Variants in MAP7 observed in about 807,000 individuals in gnomAD.
The protein encoded by MAP7 is ensconsin.
Under a neutral mutation model 94.8 loss-of-function variants are expected in MAP7, and 52 were observed. The ratio of observed to expected loss-of-function variants is 0.55; its 90% CI spans 0.44 to 0.69. The LOEUF (loss-of-function observed/expected upper bound fraction) is 0.69, where lower values mean the gene tolerates loss of function less well. Among genes scored for constraint, MAP7 ranks in the 30% least tolerant of loss-of-function variants. MAP7 has a pLI of 0.00. For synonymous variants in MAP7, 350 were observed against 357.0 expected (o/e 0.98, Z 0.22); for missense variants, 940 against 964.6 (o/e 0.97, Z 0.34).
At chr6:136,391,666 T>C (rs1232319888) in intron 3 of MAP7, among the ~76,000 whole-genome samples, 1 of 87,520 alleles carries the variant, frequency 1.1e-5, no homozygotes, top group Admixed American at 1.3e-4. Flanking sequence ...AAATAAAAAC[T>C]ATTATTCAAA....
At chr6:136,413,722 C>T (rs1211113155) in intron 2 of MAP7, among the ~76,000 whole-genome samples, 2 of 152,110 alleles carry the variant, frequency 1.3e-5, no homozygotes, top group Non-Finnish European at 2.9e-5. Flanking sequence ...AGTGAATCCT[C>T]CCACCTCAGT....
chr6:136,428,383 G>A (rs1215325471), intron 1 of MAP7, among the ~76,000 whole-genome samples: 1 of 152,080 alleles, frequency 6.6e-6, no homozygotes, highest in Non-Finnish European at 1.5e-5. Flanking sequence ...AGGCGTGGTG[G>A]TGCACGCCTG....
At chr6:136,544,968 G>T (rs1278057734) in intron 1 of MAP7, among the ~76,000 whole-genome samples, 1 of 152,108 alleles carries the variant, frequency 6.6e-6, no homozygotes, top group Non-Finnish European at 1.5e-5. Context: ...TCCTCCTCAT[G>T]AATATTTTCC....
chr6:136,514,767 A>C (rs1304430808), intron 1 of MAP7, among the ~76,000 whole-genome samples: 1 of 152,180 alleles, frequency 6.6e-6, no homozygotes, highest in Non-Finnish European at 1.5e-5. Flanking sequence ...ACGTGCTGTC[A>C]TCCAGGCTTT....
chr6:136,427,031 C>G (rs950688105), intron 1 of MAP7, among the ~76,000 whole-genome samples: 4 of 152,268 alleles, frequency 2.6e-5, no homozygotes, highest in Non-Finnish European at 5.9e-5. Context: ...TAGTCAGGTT[C>G]TTCCACTTAC....
intron 1 of MAP7, among the ~76,000 whole-genome samples, chr6:136,476,374 A>G (rs1414547411): frequency 6.6e-6 from 1 of 152,204 alleles, no homozygotes; most frequent in Non-Finnish European, 1.5e-5. Context: ...TGCAGTAGCC[A>G]CAGTTTAGAT....
At chr6:136,538,346 T>G (rs1419209642) in intron 1 of MAP7, among the ~76,000 whole-genome samples, 1 of 152,228 alleles carries the variant, frequency 6.6e-6, no homozygotes, top group African/African-American at 2.4e-5. Context: ...GCAAGTTGTA[T>G]GTTTCCTCTA....
intron 1 of MAP7, among the ~76,000 whole-genome samples, chr6:136,484,246 A>G (rs1370540172): frequency 2.6e-5 from 4 of 152,236 alleles, no homozygotes; most frequent in African/African-American, 4.8e-5. Context: ...GCAAAAAGAA[A>G]TATTTCTCAT....
chr6:136,384,171 A>G (rs1407429992), intron 5 of MAP7, among the ~76,000 whole-genome samples: 1 of 152,208 alleles, frequency 6.6e-6, no homozygotes, highest in East Asian at 1.9e-4. Context: ...TGCTGGTAAC[A>G]TAGAACGCAA....
At chr6:136,485,580 T>TTTTTTTTTA in intron 1 of MAP7, among the ~76,000 whole-genome samples, 1 of 146,010 alleles carries the variant, frequency 6.8e-6, no homozygotes, top group African/African-American at 2.6e-5. Flanking sequence ...TTTTTTTTTT[T>TTTTTTTTTA]GAGACGGAGT....
At chr6:136,507,321 G>T (rs556700033) in intron 1 of MAP7, among the ~76,000 whole-genome samples, 1 of 151,718 alleles carries the variant, frequency 6.6e-6, no homozygotes, top group Admixed American at 6.6e-5. Context: ...CCAAGCAGAA[G>T]ATCCAGAAAA....
chr6:136,456,822 G>GAAGAAGAAGAGAAGAAGAAGAAGAA (rs1554259490), intron 1 of MAP7, among the ~76,000 whole-genome samples: 1 of 69,024 alleles, frequency 1.4e-5, no homozygotes, highest in Non-Finnish European at 2.6e-5. Flanking sequence ...AGAAGAAGAA[G>GAAGAAGAAGAGAAGAAGAAGAAGAA]GAAGAAGAAG....
intron 1 of MAP7, among the ~76,000 whole-genome samples, chr6:136,437,605 T>G (rs1351418168): frequency 1.3e-5 from 2 of 152,074 alleles, no homozygotes; most frequent in African/African-American, 4.8e-5. Flanking sequence ...AGAATGACAG[T>G]TTCATCTCAA....
In MAP7 at chr6:136,377,795, C is replaced by G. The variant is rs1379346149; in HGVS notation, c.711G>C (p.Leu237=). 10 of 1,613,976 alleles carry G rather than the reference C, an allele frequency of 6.2e-6. No individual in the cohort carries two copies. The highest frequency in any genetic ancestry group is 8.5e-6 in the Non-Finnish European group (10 of 1,179,984). Residue 237 remains leucine (L), a synonymous_variant, in exon 7 of 18, where the codon CTG becomes CTC. Transcript: ENST00000354570. ...AGGCAGCTGTGCTTTTACTTCTGGC[C>G]AGGAACGAATGTGTGGGCGTCAGGA... ...NRLLTPTHSF[L]ARSKSTAALS...
chr6:136,454,866 A>G (rs1562419901), intron 1 of MAP7, among the ~76,000 whole-genome samples: 1 of 151,992 alleles, frequency 6.6e-6, no homozygotes, highest in Non-Finnish European at 1.5e-5. Context: ...GCCACTGCAC[A>G]CCTGCTTGGG....
At chr6:136,388,870 T>C (rs190929472) in intron 4 of MAP7, among the ~76,000 whole-genome samples, 69 of 152,306 alleles carry the variant, frequency 4.5e-4, no homozygotes, top group Non-Finnish European at 7.9e-4. Flanking sequence ...TAAAAAACAG[T>C]TCAGAATCTG....
At chr6:136,545,150 T>G (rs1829629127) in intron 1 of MAP7, 1 of 152,234 alleles carries the variant, frequency 6.6e-6, no homozygotes, top group South Asian at 2.1e-4. Flanking sequence ...TGTATGTCGC[T>G]GAACTCTTCT....
At chr6:136,456,781 A>AAGAAGAAGAAGG (rs1159446734) in intron 1 of MAP7, among the ~76,000 whole-genome samples, 1 of 70,980 alleles carries the variant, frequency 1.4e-5, no homozygotes, top group African/African-American at 4.3e-5. Context: ...GAAGAAGAAG[A>AAGAAGAAGAAGG]AGAAGAAGAA....
intron 1 of MAP7, among the ~76,000 whole-genome samples, chr6:136,477,471 ATAGAT>A (rs1222326928): frequency 6.6e-6 from 1 of 152,236 alleles, no homozygotes; most frequent in Non-Finnish European, 1.5e-5. Flanking sequence ...TATAAAGTCT[ATAGAT>A]TAGACAATGG....
Sources: gnomAD v4.1 joint callset for allele counts (sites outside exome capture counted in the v4.1 genomes callset) on GRCh38, gnomAD v4.1.1 for gene constraint, MANE v1.5 for transcripts, NCBI Gene and HGNC (gene_info 2026-07-23, HGNC 2026-07-21) for gene names.